The following C8orf34 variants were observed in gnomAD, a reference collection of about 807,000 sequenced individuals.
The protein encoded by C8orf34 is uncharacterized protein C8orf34.
C8orf34 carries 65 observed loss-of-function variants against 68.3 expected under a neutral mutation model. The ratio of observed to expected loss-of-function variants is 0.95; its 90% CI spans 0.78 to 1.17. The LOEUF is 1.17. C8orf34 is among the 50% of genes most tolerant of loss of function. The pLI is 0.00. For synonymous variants in C8orf34, 244 were observed against 241.2 expected (o/e 1.01, Z -0.11); for missense variants, 664 against 655.4 (o/e 1.01, Z -0.14).
At chr8:68,407,933 A>T (rs927836987) in intron 1 of C8orf34, among the ~76,000 whole-genome samples, 2 of 152,138 alleles carry the variant, frequency 1.3e-5, no homozygotes, top group African/African-American at 4.8e-5. Context: ...TTATAAAAGG[A>T]ACATTCATTC....
intron 1 of C8orf34, among the ~76,000 whole-genome samples, chr8:68,416,786 C>A (rs982803488): frequency 6.6e-6 from 1 of 152,094 alleles, no homozygotes; most frequent in Non-Finnish European, 1.5e-5. Context: ...CCATCTCAGC[C>A]TCCCAAAATG....
intron 7 of C8orf34, among the ~76,000 whole-genome samples, chr8:68,546,865 T>G (rs1815901503): frequency 6.6e-6 from 1 of 151,634 alleles, no homozygotes; most frequent in Non-Finnish European, 1.5e-5. Flanking sequence ...AAAGAAAACT[T>G]AGAAAATAAT....
chr8:68,464,027 G>T (rs1261783783), intron 3 of C8orf34, among the ~76,000 whole-genome samples: 224 of 152,056 alleles, frequency 1.5e-3, no homozygotes, highest in African/African-American at 4.9e-3. Context: ...TGACATGATT[G>T]TATATCTAGA....
intron 8 of C8orf34, among the ~76,000 whole-genome samples, chr8:68,675,129 A>T (rs1820142215): frequency 6.6e-6 from 1 of 152,218 alleles, no homozygotes; most frequent in Non-Finnish European, 1.5e-5. Flanking sequence ...CATCAACACC[A>T]GACCTGTTCC....
intron 10 of C8orf34, among the ~76,000 whole-genome samples, chr8:68,733,226 C>T (rs995470757): frequency 6.6e-6 from 1 of 151,940 alleles, no homozygotes; most frequent in Admixed American, 6.6e-5. Context: ...TACAAACATC[C>T]CATTTTGTTT....
intron 7 of C8orf34, among the ~76,000 whole-genome samples, chr8:68,624,212 C>A (rs901288400): frequency 1.4e-5 from 2 of 146,820 alleles, no homozygotes; most frequent in Non-Finnish European, 3.0e-5. Flanking sequence ...GCGGAGCTTG[C>A]AATGAGCCGA....
In C8orf34 at chr8:68,647,753, C is replaced by CT. The variant is rs558463967; in HGVS notation, c.1241+7250dup. 3.0e-4 allele frequency among the ~76,000 whole-genome samples: 45 copies of CT among 152,044 alleles called. 1 individual carries two copies. In the South Asian group the frequency reaches 7.1e-3, roughly 24 times the overall value. On this transcript the variant is annotated intron_variant, in intron 8 of 13. Coordinates refer to ENST00000518698, the MANE Select transcript of C8orf34 (RefSeq NM_052958.4). ...TATAAGAAATAAAGAAAAATAGAAG[C>CT]TTTTTTTTCATAAATATATCACATG... is the stretch of plus-strand genomic sequence containing the variant.
chr8:68,813,186 C>T (rs1039406784), intron 12 of C8orf34, among the ~76,000 whole-genome samples: 2 of 152,116 alleles, frequency 1.3e-5, no homozygotes, highest in African/African-American at 4.8e-5. Flanking sequence ...TTGTTTTCCC[C>T]ATCAAAGCTG....
chr8:68,557,750 T>C (rs1260347482), intron 7 of C8orf34, among the ~76,000 whole-genome samples: 11 of 152,216 alleles, frequency 7.2e-5, no homozygotes, highest in Admixed American at 5.9e-4. Context: ...TCTGAGAATA[T>C]GGTGATTTTC....
chr8:68,645,458 C>G (rs2130755644), intron 8 of C8orf34, among the ~76,000 whole-genome samples: 1 of 152,196 alleles, frequency 6.6e-6, no homozygotes, highest in East Asian at 1.9e-4. Context: ...AGTGTTTTCT[C>G]TCTGCCTAAG....
chr8:68,799,337 T>G (rs911964838), intron 12 of C8orf34, among the ~76,000 whole-genome samples: 1 of 152,220 alleles, frequency 6.6e-6, no homozygotes, highest in Non-Finnish European at 1.5e-5. Flanking sequence ...AGGTCAGCCT[T>G]ATATCAGATG....
At chr8:68,443,385 T>C (rs954199405) in intron 2 of C8orf34, among the ~76,000 whole-genome samples, 1 of 152,078 alleles carries the variant, frequency 6.6e-6, no homozygotes, top group African/African-American at 2.4e-5. Flanking sequence ...TTCTTGATTT[T>C]GGTGAATCTT....
intron 10 of C8orf34, among the ~76,000 whole-genome samples, chr8:68,743,113 T>A (rs1340622658): frequency 6.6e-6 from 1 of 152,172 alleles, no homozygotes; most frequent in Non-Finnish European, 1.5e-5. Flanking sequence ...GCTCTCCTAT[T>A]ATTAGGAGGA....
intron 8 of C8orf34, among the ~76,000 whole-genome samples, chr8:68,654,004 A>G (rs548338978): frequency 6.6e-6 from 1 of 152,290 alleles, no homozygotes; most frequent in East Asian, 1.9e-4. Flanking sequence ...ATATGACAAG[A>G]ACATATATAT....
intron 7 of C8orf34, among the ~76,000 whole-genome samples, chr8:68,547,836 A>G (rs1815936325): frequency 6.6e-6 from 1 of 151,828 alleles, no homozygotes; most frequent in Admixed American, 6.6e-5. Flanking sequence ...ACAATGTGGT[A>G]TTGACATAAG....
intron 1 of C8orf34, among the ~76,000 whole-genome samples, chr8:68,391,783 C>T (rs1317086722): frequency 6.6e-6 from 1 of 152,164 alleles, no homozygotes; most frequent in Non-Finnish European, 1.5e-5. Flanking sequence ...GCCACCACAG[C>T]AGAGGGACCG....
At chr8:68,497,338 A>G (rs1158607656) in intron 5 of C8orf34, among the ~76,000 whole-genome samples, 2 of 152,244 alleles carry the variant, frequency 1.3e-5, no homozygotes, top group African/African-American at 4.8e-5. Flanking sequence ...TGGCAGATTA[A>G]CAAAAATCCC....
chr8:68,725,266 CTTTT>C (rs1198256343), intron 10 of C8orf34, among the ~76,000 whole-genome samples: 1 of 152,136 alleles, frequency 6.6e-6, no homozygotes. Context: ...GTCTTACTGA[CTTTT>C]TTCTTTTTTC....
At chr8:68,813,250 A>AG (rs1265684732) in intron 12 of C8orf34, among the ~76,000 whole-genome samples, 1 of 152,212 alleles carries the variant, frequency 6.6e-6, no homozygotes, top group Non-Finnish European at 1.5e-5. Context: ...TCCCTAGTAT[A>AG]GGGGGAGTCC....
Sources: gnomAD v4.1 joint callset for allele counts (sites outside exome capture counted in the v4.1 genomes callset) on GRCh38, gnomAD v4.1.1 for gene constraint, MANE v1.5 for transcripts, NCBI Gene and HGNC (gene_info 2026-07-23, HGNC 2026-07-21) for gene names.